Variants in BRSK2 observed in about 807,000 individuals in gnomAD.
BRSK2 encodes the protein BR serine/threonine kinase 2, also known as serine/threonine-protein kinase BRSK2.
BRSK2 carries 19 observed loss-of-function variants against 83.3 expected under a neutral mutation model. The observed-to-expected ratio is 0.23, with a 90% CI of 0.16 to 0.33. BRSK2 has a LOEUF of 0.33. Among genes scored for constraint, BRSK2 ranks in the 10% least tolerant of loss-of-function variants. The pLI is 1.00. For missense variants in BRSK2, 798 were observed against 1,042.3 expected (o/e 0.77, Z 3.23); for synonymous variants, 519 against 435.4 (o/e 1.19, Z -2.39).
intron 1 of BRSK2, among the ~76,000 whole-genome samples, chr11:1,418,005 G>A (rs564595491): frequency 1.3e-5 from 2 of 149,190 alleles, no homozygotes; most frequent in Non-Finnish European, 3.0e-5. Context: ...TGGGTCACCT[G>A]TGTCCTGCTT....
Position 1,445,318 on chromosome 11 carries a change from A to G in BRSK2, c.837A>G (p.Pro279=). The change falls in exon 10 of 20, where the codon CCA becomes CCG. Residue 279 remains proline, a synonymous_variant. Transcript: ENST00000528841. ...GAGGGGGCAAGAATGAGCCCGAACC[A>G]GAGCAGCCCATTCCTCGCAAGGTGC... ...WYIGGKNEPE[P]EQPIPRKVQI... 6.2e-7 allele frequency: 1 copy of G among 1,610,698 alleles called. No homozygotes were observed. The highest frequency in any genetic ancestry group is 1.1e-5 in the South Asian group (1 of 90,772).
chr11:1,443,465 ACC>A, intron 7 of BRSK2, 22 bp from the exon 8 acceptor site: 1 of 1,560,284 alleles, frequency 6.4e-7, no homozygotes, highest in Non-Finnish European at 8.7e-7. Context: ...CCCCACGCTG[ACC>A]CCCACACCCG....
At chr11:1,460,296 G>A (rs1413307793) in intron 19 of BRSK2, among the ~76,000 whole-genome samples, 1 of 151,932 alleles carries the variant, frequency 6.6e-6, no homozygotes, top group Admixed American at 6.5e-5. Flanking sequence ...GCCGGCCGCC[G>A]CCTGCCCACC....
intron 16 of BRSK2, among the ~76,000 whole-genome samples, chr11:1,455,252 C>A (rs1450751510): frequency 1.3e-5 from 2 of 152,140 alleles, no homozygotes; most frequent in East Asian, 3.9e-4. Flanking sequence ...CCCTTCCTTG[C>A]CGGCCCTGCC....
Position 1,390,394 on chromosome 11 carries a change from G to T in BRSK2, c.91+19G>T. The T allele has an allele frequency of 7.9e-6, 8 of 1,013,534 alleles. No individual in the cohort carries two copies. Among genetic ancestry groups the T allele is most frequent in the Non-Finnish European group, 9.5e-6 (8 of 841,162 alleles). The allele number at this position is 1,013,534 out of a possible 1,614,324, so 62.8% of individuals were successfully genotyped here. A position where few individuals can be genotyped will look rare whatever the true frequency, so the allele number is the denominator to read the frequency against. On this transcript the variant is annotated intron_variant, in intron 1 of 19. Transcript: ENST00000528841. This position sits in a 1 kb window ranked among gnomAD's most constrained non-coding sequence, Gnocchi z 6.8. ...CAGACAGGTGCGTGCGGCCGGGGCG[G>T]GGACCGGGGCCGGGGAGGCCGCGCT...
intron 1 of BRSK2, among the ~76,000 whole-genome samples, chr11:1,399,134 G>C (rs535992513): frequency 6.6e-6 from 1 of 152,190 alleles, no homozygotes; most frequent in Non-Finnish European, 1.5e-5. Context: ...CCACAGAGCC[G>C]TTGTGACTGG....
Position 1,442,493 on chromosome 11 carries a change from C to T in BRSK2, c.417C>T (p.His139=), listed in dbSNP as rs1851482585. Residue 139 remains histidine, a synonymous_variant, in exon 5 of 20, where the codon CAC becomes CAT. Transcript: ENST00000528841. The part of the protein sequence containing the change: ...LDFCHSHSIC[H]RDLKPENLLL... ...GCCTCACCACCCTCCTCCCCAGCCACAGGGATCTGAAACCTGAAAACCTCC... is the reference window on the plus strand; with the variant it reads ...GCCTCACCACCCTCCTCCCCAGCCATAGGGATCTGAAACCTGAAAACCTCC... 1 of 1,612,574 alleles carries T rather than the reference C, an allele frequency of 6.2e-7. No individual in the cohort carries two copies. The highest frequency in any genetic ancestry group is 1.1e-5 in the South Asian group (1 of 91,066).
At chr11:1,448,476 C>CCCTGCCCCTG (rs1412429059) in intron 12 of BRSK2, among the ~76,000 whole-genome samples, 1 of 152,226 alleles carries the variant, frequency 6.6e-6, no homozygotes, top group East Asian at 1.9e-4. Flanking sequence ...CTGCCCCTGC[C>CCCTGCCCCTG]CCAGCAACTG....
Position 1,438,455 on chromosome 11 carries a change from G to C in BRSK2, c.272+64G>C. 6.7e-7 allele frequency: 1 copy of C among 1,489,620 alleles called. No homozygotes were observed. The highest frequency in any genetic ancestry group is 9.3e-7 in the Non-Finnish European group (1 of 1,070,180). The allele number at this position is 1,489,620 out of a possible 1,614,324, so 92.3% of individuals were successfully genotyped here. A position where few individuals can be genotyped will look rare whatever the true frequency, so the allele number is the denominator to read the frequency against. The stretch of plus-strand genomic sequence containing the variant: ...GTGGCAGCTGTCGCTGCAGGGGTGG[G>C]TGTCTGGGGCTTGGGGAGCACAGGG... On this transcript the variant is annotated intron_variant, in intron 3 of 19. Coordinates refer to ENST00000528841, the MANE Select transcript of BRSK2 (RefSeq NM_001256627.2). The surrounding 1 kb of genome is among the most constrained non-coding windows in gnomAD (Gnocchi z 6.4).
At position 1,456,586 on chromosome 11, in the gene BRSK2, T is replaced by A; in HGVS notation, c.1850-12T>A. On this transcript the variant is annotated splice_polypyrimidine_tract_variant and intron_variant, in intron 17 of 19. Transcript: ENST00000528841. ...CAGGCCCGTCCAGGGCATAACCCCC[T>A]GTCTCCCCTAGGCCCCAGCCGTCGC... The A allele has an allele frequency of 3.7e-6, 6 of 1,609,088 alleles. No homozygotes were observed. The highest frequency in any genetic ancestry group is 5.1e-6 in the Non-Finnish European group (6 of 1,178,434).
chr11:1,403,003 G>A (rs1283631773), intron 1 of BRSK2, among the ~76,000 whole-genome samples: 4 of 152,152 alleles, frequency 2.6e-5, no homozygotes, highest in Admixed American at 6.5e-5. Flanking sequence ...CGCCGAGGGC[G>A]TTTGCAGATG....
At chr11:1,448,135 C>T (rs901688563) in intron 12 of BRSK2, among the ~76,000 whole-genome samples, 5 of 152,170 alleles carry the variant, frequency 3.3e-5, no homozygotes, top group African/African-American at 7.2e-5. Flanking sequence ...GGCTGCAGGC[C>T]GAGCCGCTCC....
intron 1 of BRSK2, among the ~76,000 whole-genome samples, chr11:1,427,541 G>C (rs1047053382): frequency 2.0e-5 from 3 of 152,156 alleles, no homozygotes; most frequent in Non-Finnish European, 2.9e-5. Context: ...CCTTCCCTGT[G>C]GGGGGCGCAG....
At chr11:1,429,592 T>C (rs1259150669) in intron 1 of BRSK2, among the ~76,000 whole-genome samples, 1 of 142,904 alleles carries the variant, frequency 7.0e-6, no homozygotes, top group Non-Finnish European at 1.5e-5. Context: ...AGTGAGCGTC[T>C]TCTGCGGTCT....
intron 1 of BRSK2, among the ~76,000 whole-genome samples, chr11:1,416,819 G>C (rs1848139198): frequency 6.6e-6 from 1 of 152,144 alleles, no homozygotes; most frequent in South Asian, 2.1e-4. Context: ...TCCACGGGCT[G>C]ATGTATTTAG....
At chr11:1,416,080 A>G (rs1208289433) in intron 1 of BRSK2, among the ~76,000 whole-genome samples, 1 of 152,250 alleles carries the variant, frequency 6.6e-6, no homozygotes, top group Non-Finnish European at 1.5e-5. Flanking sequence ...GGACCTTTGC[A>G]ATGGCCAGGG....
chr11:1,427,117 C>A (rs1849323424), intron 1 of BRSK2, among the ~76,000 whole-genome samples: 1 of 152,124 alleles, frequency 6.6e-6, no homozygotes, highest in African/African-American at 2.4e-5. Context: ...GACCTGCAGC[C>A]CCCCATCCCC....
Position 1,454,647 on chromosome 11 carries a change from C to T in BRSK2, c.1668+39C>T. The T allele has an allele frequency of 1.2e-6, 2 of 1,609,248 alleles. No homozygotes were observed. Among genetic ancestry groups the T allele is most frequent in the Non-Finnish European group, 1.7e-6 (2 of 1,178,806 alleles). On this transcript the variant is annotated intron_variant, in intron 16 of 19. Coordinates refer to ENST00000528841, the MANE Select transcript of BRSK2 (RefSeq NM_001256627.2). The surrounding 1 kb of genome is among the most constrained non-coding windows in gnomAD (Gnocchi z 5.2). ...GCGCTGGGGGAGGCGGGCAGCCCTCCCAACCCCACACGGCCCAGCCCCGAG... is the reference window on the plus strand; with the variant it reads ...GCGCTGGGGGAGGCGGGCAGCCCTCTCAACCCCACACGGCCCAGCCCCGAG...
rs1209899870 is a variant in BRSK2, at chr11:1,460,730, T to G, written c.*7T>G. ...CCGCCGCGAGCAGCCTTAGACACAC[T>G]AGCCCCCCCCCCCAGCACAGCACTG... On this transcript the variant is annotated 3_prime_UTR_variant, in exon 20 of 20. Transcript: ENST00000528841. The G allele has an allele frequency of 3.0e-6, 4 of 1,350,396 alleles. No homozygotes were observed. Among genetic ancestry groups the G allele is most frequent in the East Asian group, 2.9e-5 (1 of 34,716 alleles). The allele number at this position is 1,350,396 out of a possible 1,614,324, so 83.7% of individuals were successfully genotyped here. A position where few individuals can be genotyped will look rare whatever the true frequency, so the allele number is the denominator to read the frequency against.
Sources: allele counts gnomAD v4.1 joint callset (sites outside exome capture counted in the v4.1 genomes callset), GRCh38; gene constraint gnomAD v4.1.1; non-coding constraint Gnocchi (gnomAD v3.1); transcripts MANE v1.5; gene names NCBI Gene and HGNC (gene_info 2026-07-23, HGNC 2026-07-21).